ERBB4: variants seen among roughly 807,000 people sequenced by gnomAD.
ERBB4 encodes receptor tyrosine-protein kinase erbB-4.
ERBB4 carries 42 observed loss-of-function variants against 158.0 expected under a neutral mutation model. The observed-to-expected ratio is 0.27, with a 90% CI of 0.21 to 0.34. The LOEUF (loss-of-function observed/expected upper bound fraction) is 0.34. ERBB4 is among the 10% of genes least tolerant of loss of function. The probability of loss-of-function intolerance (pLI) is 1.00; values close to 1 mark genes in which losing one functional copy is unlikely to be tolerated. For missense variants in ERBB4, 1,333 were observed against 1,624.1 expected, an observed-to-expected ratio of 0.82 and a Z score of 3.08; for synonymous variants, 583 against 558.7, an observed-to-expected ratio of 1.04 and a Z score of -0.61.
chr2:212,206,669 C>T (rs2082765422), intron 1 of ERBB4, among the ~76,000 whole-genome samples: 1 of 148,364 alleles, frequency 6.7e-6, no homozygotes, highest in Admixed American at 6.7e-5. Flanking sequence ...TCACTGCAAG[C>T]TCCGCCTCCC....
chr2:211,744,501 C>G (rs980673118), intron 5 of ERBB4, among the ~76,000 whole-genome samples: 2 of 152,144 alleles, frequency 1.3e-5, no homozygotes, highest in East Asian at 3.8e-4. Flanking sequence ...ACAGACCTTC[C>G]CTGAAGCTCA....
chr2:212,032,179 C>T (rs12464239), intron 2 of ERBB4, among the ~76,000 whole-genome samples: 16,962 of 152,010 alleles, frequency 0.11, 1,421 homozygotes, highest in South Asian at 0.29. Flanking sequence ...TAATGAGTCA[C>T]GGCTGGCTTT....
chr2:212,525,785 G>A (rs1017348489), intron 1 of ERBB4, among the ~76,000 whole-genome samples: 2 of 151,980 alleles, frequency 1.3e-5, no homozygotes, highest in Admixed American at 6.6e-5. Flanking sequence ...GATTATTACA[G>A]TGGATTCTAT....
chr2:211,430,442 C>G (rs1266095515), intron 21 of ERBB4, among the ~76,000 whole-genome samples: 1 of 152,078 alleles, frequency 6.6e-6, no homozygotes, highest in African/African-American at 2.4e-5. Flanking sequence ...CATTGTCAGG[C>G]AGAGGCTGAG....
At chr2:211,812,840 C>T (rs1375063466) in intron 3 of ERBB4, among the ~76,000 whole-genome samples, 1 of 152,208 alleles carries the variant, frequency 6.6e-6, no homozygotes, top group Non-Finnish European at 1.5e-5. Flanking sequence ...GGGCATGGGA[C>T]CCACTGATCC....
intron 1 of ERBB4, among the ~76,000 whole-genome samples, chr2:212,283,364 G>A (rs916997024): frequency 6.6e-6 from 1 of 151,942 alleles, no homozygotes; most frequent in East Asian, 1.9e-4. Context: ...CATTTCCCAA[G>A]CACTTTCACA....
chr2:211,990,517 AAAAT>A (rs2082045125), intron 2 of ERBB4, among the ~76,000 whole-genome samples: 1 of 136,476 alleles, frequency 7.3e-6, no homozygotes, highest in Non-Finnish European at 1.6e-5. Context: ...AACCAAAATA[AAAAT>A]AAAAATAAAT....
chr2:212,373,822 T>C (rs1013129941), intron 1 of ERBB4, among the ~76,000 whole-genome samples: 1 of 95,492 alleles, frequency 1.0e-5, no homozygotes. Flanking sequence ...CATGTATATA[T>C]CCATATATAT....
rs568036352 is a variant in ERBB4 at position 212,507,148 on chromosome 2, G to A, written c.82+31301C>T. ...AACTAGCCTAGTTGACAACACATCT[G>A]TTGACAGCATTGTTATGACAGCATG... On this transcript the variant is annotated intron_variant, in intron 1 of 27. Transcript: ENST00000342788. Among the ~76,000 whole-genome samples the A allele has an allele frequency of 2.6e-5, 4 of 151,710 alleles. No homozygotes were observed. In the South Asian group the frequency reaches 6.2e-4, roughly 24 times the overall value.
At chr2:212,197,687 A>G (rs567553580) in intron 1 of ERBB4, among the ~76,000 whole-genome samples, 1 of 152,306 alleles carries the variant, frequency 6.6e-6, no homozygotes, top group East Asian at 1.9e-4. Context: ...TTTTGTGTTT[A>G]AAGCCATTTC....
At chr2:211,425,411 C>G (rs183635302) in intron 22 of ERBB4, among the ~76,000 whole-genome samples, 351 of 151,698 alleles carry the variant, frequency 2.3e-3, no homozygotes, top group Non-Finnish European at 4.0e-3. Context: ...TTAACTATTA[C>G]CTGATTTTTT....
At chr2:211,804,299 G>A (rs954429242) in intron 3 of ERBB4, among the ~76,000 whole-genome samples, 2 of 152,178 alleles carry the variant, frequency 1.3e-5, no homozygotes, top group African/African-American at 4.8e-5. Context: ...TGCAGTCAGG[G>A]ATATGTTCCC....
chr2:212,096,298 T>C (rs796483325), intron 2 of ERBB4, among the ~76,000 whole-genome samples: 9 of 75,018 alleles, frequency 1.2e-4, no homozygotes, highest in African/African-American at 2.6e-4. Flanking sequence ...GATAACAGCA[T>C]AGCCTTTGTG....
intron 1 of ERBB4, among the ~76,000 whole-genome samples, chr2:212,237,042 C>T (rs889967188): frequency 2.0e-5 from 3 of 151,972 alleles, no homozygotes; most frequent in African/African-American, 7.2e-5. Context: ...TTCTCTAGTT[C>T]TTTTAATTGT....
chr2:211,538,086 C>G (rs2066704647), intron 20 of ERBB4, among the ~76,000 whole-genome samples: 1 of 145,238 alleles, frequency 6.9e-6, no homozygotes, highest in South Asian at 2.1e-4. Context: ...TTATTGTTTA[C>G]TTTAACAAAA....
intron 2 of ERBB4, among the ~76,000 whole-genome samples, chr2:212,030,034 T>C (rs1403303779): frequency 6.6e-6 from 1 of 152,144 alleles, no homozygotes; most frequent in Non-Finnish European, 1.5e-5. Flanking sequence ...ATAGCACTTG[T>C]TGGGCTTACA....
chr2:211,508,284 G>A lies in ERBB4; in HGVS notation c.2487+53619C>T, dbSNP rs371599202. Among the ~76,000 whole-genome samples the A allele has an allele frequency of 1.1e-3, 165 of 151,140 alleles. 2 individuals carry two copies. In the East Asian group the frequency reaches 0.017, roughly 15 times the overall value. The stretch of plus-strand genomic sequence containing the variant: ...ATCTACAAGGAACTTAAATTTACGA[G>A]AAAAAAACAACCCCATCAAAAAGTG... On this transcript the variant is annotated intron_variant, in intron 20 of 27. Coordinates refer to ENST00000342788, the MANE Select transcript of ERBB4 (RefSeq NM_005235.3).
intron 1 of ERBB4, among the ~76,000 whole-genome samples, chr2:212,171,593 G>A (rs1025066170): frequency 4.6e-5 from 7 of 152,078 alleles, no homozygotes; most frequent in African/African-American, 9.7e-5. Context: ...GAGGGACCAG[G>A]TTGAAGGTGA....
intron 20 of ERBB4, among the ~76,000 whole-genome samples, chr2:211,477,697 G>A (rs552681644): frequency 6.2e-4 from 94 of 151,720 alleles, no homozygotes; most frequent in Non-Finnish European, 1.1e-3. Flanking sequence ...GAGGATAATA[G>A]TCACTTGCTA....
Sources: allele counts gnomAD v4.1 joint callset (sites outside exome capture counted in the v4.1 genomes callset), GRCh38; gene constraint gnomAD v4.1.1; transcripts MANE v1.5; gene names NCBI Gene and HGNC (gene_info 2026-07-23, HGNC 2026-07-21).